Variants in AATK observed in about 807,000 individuals in gnomAD.
AATK encodes serine/threonine-protein kinase LMTK1.
A neutral mutation model predicts 114.3 loss-of-function variants in AATK; 91 were observed. The observed-to-expected ratio is 0.80, with a 90% confidence interval of 0.67 to 0.95. The LOEUF (loss-of-function observed/expected upper bound fraction) is 0.95. AATK is among the 40% of genes least tolerant of loss of function. The probability of loss-of-function intolerance (pLI) is 0.00; values close to 1 mark genes in which losing one functional copy is unlikely to be tolerated. For synonymous variants in AATK, 1,075 were observed against 916.5 expected, an observed-to-expected ratio of 1.17 and a Z score of -3.12; for missense variants, 2,176 against 1,965.2, an observed-to-expected ratio of 1.11 and a Z score of -2.03.
chr17:81,138,362 C>G (rs1481630580), intron 1 of AATK, among the ~76,000 whole-genome samples: 2 of 149,358 alleles, frequency 1.3e-5, no homozygotes, highest in Non-Finnish European at 3.0e-5. Context: ...CACGCACACA[C>G]ACTCCCATGG....
intron 9 of AATK, among the ~76,000 whole-genome samples, chr17:81,123,986 G>A (rs1260735817): frequency 1.3e-5 from 2 of 152,208 alleles, no homozygotes; most frequent in Non-Finnish European, 2.9e-5. Flanking sequence ...CCCAGCCAGC[G>A]TGCAGTGGGT....
In AATK at chr17:81,121,976, G is replaced by A. The variant is rs765321357; in HGVS notation, c.1960C>T (p.Pro654Ser). Residue 654 changes from proline (P) to serine (S), a missense_variant, in exon 11 of 14, where the codon CCC (proline) becomes TCC (serine). This residue lies in a region of AATK where 1,701 missense variants were observed against 1,394.7 expected (regional missense o/e 1.22). Transcript: ENST00000326724. The part of the protein sequence containing the change: ...GTSPLGSSGA[P>S]PLPLTGEDEL... ...TCCTCGCCAGTCAGCGGCAGCGGGG[G>A]CGCCCCTGAGCTCCCCAAAGGGGAC... 4 of 1,600,234 alleles carry A rather than the reference G, an allele frequency of 2.5e-6. No homozygotes were observed. The East Asian group carries it at 8.9e-5, about 36-fold the overall frequency.
intron 2 of AATK, 85 bp downstream of exon 2, chr17:81,134,283 G>C: frequency 6.5e-7 from 1 of 1,545,990 alleles, no homozygotes; most frequent in Non-Finnish European, 8.8e-7. Context: ...ATGGCCCCAG[G>C]AAGGAGGGAA....
rs1208541880 is a variant in AATK, at chr17:81,118,124, G to A, written c.*278C>T. ...ACTGGCCCCTTTTGAGTGTGTATGT[G>A]TGTACAGACACCCACTGTGGCTCCA... On this transcript the variant is annotated 3_prime_UTR_variant, in exon 14 of 14. Transcript: ENST00000326724. 4.0e-6 allele frequency: 2 copies of A among 502,258 alleles called. No homozygotes were observed. Among genetic ancestry groups the A allele is most frequent in the Non-Finnish European group, 7.2e-6 (2 of 277,702 alleles). 31.1% of individuals were successfully genotyped at this position (502,258 alleles called of 1,614,324 possible). A position where few individuals can be genotyped will look rare whatever the true frequency, so the allele number is the denominator to read the frequency against.
chr17:81,138,073 C>G (rs2061045091), intron 1 of AATK, among the ~76,000 whole-genome samples: 1 of 150,738 alleles, frequency 6.6e-6, no homozygotes, highest in Non-Finnish European at 1.5e-5. Context: ...TGCACCCGGA[C>G]CCACACCTGT....
intron 1 of AATK, among the ~76,000 whole-genome samples, chr17:81,136,479 C>G (rs1290920633): frequency 6.6e-6 from 1 of 152,090 alleles, no homozygotes; most frequent in Non-Finnish European, 1.5e-5. Context: ...ATGGAGGCAG[C>G]TGGCCTCAGC....
Position 81,166,054 on chromosome 17 carries a change from C to G in AATK, c.-62G>C. ...GCTGCGCTCAGGACGCCCGCGGCCC[C>G]GGCCCGAGCCGCCGCATCACCCAGC... On this transcript the variant is annotated 5_prime_UTR_variant, in exon 1 of 14. Transcript: ENST00000326724. 4.2e-6 allele frequency: 5 copies of G among 1,190,332 alleles called. No homozygotes were observed. The highest frequency in any genetic ancestry group is 5.3e-6 in the Non-Finnish European group (5 of 944,020). The allele number at this position is 1,190,332 out of a possible 1,614,324, so 73.7% of individuals were successfully genotyped here. A position where few individuals can be genotyped will look rare whatever the true frequency, so the allele number is the denominator to read the frequency against.
chr17:81,165,895 G>A (rs1419187692), intron 1 of AATK, 43 bp downstream of exon 1: 4 of 1,558,302 alleles, frequency 2.6e-6, no homozygotes, highest in African/African-American at 1.4e-5. Context: ...CGTCCGCAGC[G>A]GAGGGAGGCA....
chr17:81,138,803 C>CAA (rs1057442216), intron 1 of AATK, among the ~76,000 whole-genome samples: 4 of 148,112 alleles, frequency 2.7e-5, no homozygotes, highest in African/African-American at 1.0e-4. Context: ...ACAATACCCA[C>CAA]TTGCGCGTGC....
Position 81,119,957 on chromosome 17 carries a change from T to TTGGGGAGCCATC in AATK, c.3850_3861dup (p.Asp1284_Pro1287dup), listed in dbSNP as rs759233427. Reference sequence around the variant, plus strand: ...TCACCCTCTTCCGCTGTGGAGCCATTTGGGGAGCCATCAGCCTGCTGCGGC... The same window carrying TTGGGGAGCCATC: ...TCACCCTCTTCCGCTGTGGAGCCATTTGGGGAGCCATCTGGGGAGCCATCAGCCTGCTGCGGC... On this transcript the variant is annotated inframe_insertion, in exon 12 of 14. Transcript: ENST00000326724. The TTGGGGAGCCATC allele has an allele frequency of 4.1e-5, 60 of 1,448,258 alleles. 4 individuals carry two copies. In the South Asian group the frequency reaches 4.9e-4, roughly 12 times the overall value. 89.7% of individuals were successfully genotyped at this position (1,448,258 alleles called of 1,614,324 possible). A position where few individuals can be genotyped will look rare whatever the true frequency, so the allele number is the denominator to read the frequency against.
chr17:81,135,514 C>G (rs1269930794), intron 1 of AATK, among the ~76,000 whole-genome samples: 1 of 152,172 alleles, frequency 6.6e-6, no homozygotes, highest in Non-Finnish European at 1.5e-5. Flanking sequence ...TGCAACTTCT[C>G]AGCTCCCAAC....
intron 1 of AATK, among the ~76,000 whole-genome samples, chr17:81,147,966 G>C (rs746819797): frequency 6.6e-6 from 1 of 150,686 alleles, no homozygotes; most frequent in Non-Finnish European, 1.5e-5. Context: ...AATTACACAC[G>C]GTCACCATGC....
At chr17:81,154,739 C>T (rs1320820950) in intron 1 of AATK, among the ~76,000 whole-genome samples, 1 of 143,616 alleles carries the variant, frequency 7.0e-6, no homozygotes, top group East Asian at 2.0e-4. Flanking sequence ...AAGCAATTCT[C>T]CTGCCTCAGC....
chr17:81,122,390 C>A lies in AATK; in HGVS notation c.1546G>T (p.Val516Phe), dbSNP rs1464142979. The change falls in exon 11 of 14, where the codon GTT (valine) becomes TTT (phenylalanine). Residue 516 changes from valine to phenylalanine, a missense_variant. Val to Phe is a conservative substitution (Grantham distance 50). Coordinates refer to ENST00000326724, the MANE Select transcript of AATK (RefSeq NM_001080395.3). ...GGGCTGTGCGCGCTGAGCACCGGAA[C>A]CACGCCCGGGGGCGCGCCGTCGGGG... The part of the protein sequence containing the change: ...CAPDGAPPGV[V>F]PVLSAHSPSL... 4.0e-6 allele frequency: 6 copies of A among 1,485,496 alleles called. No homozygotes were observed. Among genetic ancestry groups the A allele is most frequent in the Non-Finnish European group, 5.3e-6 (6 of 1,121,872 alleles). 92.0% of individuals were successfully genotyped at this position (1,485,496 alleles called of 1,614,324 possible).
At chr17:81,151,977 A>T (rs2146393830) in intron 1 of AATK, among the ~76,000 whole-genome samples, 1 of 152,272 alleles carries the variant, frequency 6.6e-6, no homozygotes, top group African/African-American at 2.4e-5. Context: ...GCTTGCCTTC[A>T]AAAAAACAGC....
At chr17:81,135,876 C>G (rs2061001933) in intron 1 of AATK, 2 of 152,408 alleles carry the variant, frequency 1.3e-5, no homozygotes, top group African/African-American at 4.8e-5. Context: ...ACCTGGGTCA[C>G]CGGGGAAGGA....
intron 6 of AATK, among the ~76,000 whole-genome samples, chr17:81,127,192 G>A (rs954863286): frequency 6.6e-6 from 1 of 152,024 alleles, no homozygotes; most frequent in African/African-American, 2.4e-5. Context: ...CAGGCAGCCT[G>A]GGGAAGTGGC....
rs763017071 is a variant in AATK at position 81,165,920 on chromosome 17, G to A, written c.55+18C>T. 11 of 1,571,844 alleles carry A rather than the reference G, an allele frequency of 7.0e-6. No individual in the cohort carries two copies. Among genetic ancestry groups the A allele is most frequent in the African/African-American group, 5.4e-5 (4 of 73,692 alleles). On this transcript the variant is annotated intron_variant, in intron 1 of 13. Coordinates refer to ENST00000326724, the MANE Select transcript of AATK (RefSeq NM_001080395.3). ...GGAGGGAGGCAGCGGCGCGCAGGCC[G>A]GGCCGCCAGGGACTCACCGGGGTCG...
chr17:81,148,321 G>A (rs1340724504), intron 1 of AATK, among the ~76,000 whole-genome samples: 9 of 152,188 alleles, frequency 5.9e-5, no homozygotes, highest in African/African-American at 2.2e-4. Flanking sequence ...TGGGGTCTCC[G>A]TCCACTCTCT....
Sources: allele counts gnomAD v4.1 joint callset (sites outside exome capture counted in the v4.1 genomes callset), GRCh38; gene constraint gnomAD v4.1.1; regional missense constraint gnomAD v4.1.1; transcripts MANE v1.5; gene names NCBI Gene and HGNC (gene_info 2026-07-23, HGNC 2026-07-21).